The following NTNG1 variants were observed in gnomAD, a reference collection of about 807,000 sequenced individuals.
NTNG1 encodes the protein netrin G1.
A neutral mutation model predicts 54.0 loss-of-function variants in NTNG1; 16 were observed. The ratio of observed to expected loss-of-function variants is 0.30; its 90% CI spans 0.20 to 0.45. The LOEUF (loss-of-function observed/expected upper bound fraction) is 0.45. Ranked by LOEUF, NTNG1 falls within the 20% of genes least tolerant of loss-of-function variation. The pLI is 1.00. For missense variants in NTNG1, 530 were observed against 678.7 expected (o/e 0.78, Z 2.43); for synonymous variants, 255 against 263.1 (o/e 0.97, Z 0.30).
At chr1:107,214,321 T>A (rs924840051) in intron 2 of NTNG1, among the ~76,000 whole-genome samples, 1 of 152,132 alleles carries the variant, frequency 6.6e-6, no homozygotes, top group African/African-American at 2.4e-5. Flanking sequence ...TTCTTATACC[T>A]TTGTGTCCTC....
At chr1:107,193,377 C>G (rs928396615) in intron 2 of NTNG1, among the ~76,000 whole-genome samples, 1 of 152,042 alleles carries the variant, frequency 6.6e-6, no homozygotes, top group Non-Finnish European at 1.5e-5. Flanking sequence ...ACTTCCACAT[C>G]TCAGAATAAA....
intron 3 of NTNG1, among the ~76,000 whole-genome samples, chr1:107,363,278 G>A (rs942792190): frequency 1.3e-5 from 2 of 152,146 alleles, no homozygotes; most frequent in Non-Finnish European, 2.9e-5. Flanking sequence ...AAATAAAACA[G>A]TGTCTTGCTG....
chr1:107,412,658 G>A (rs1311404951), intron 5 of NTNG1, among the ~76,000 whole-genome samples: 7 of 152,070 alleles, frequency 4.6e-5, no homozygotes, highest in East Asian at 1.9e-4. Context: ...GTTCATTTTC[G>A]GATTCCTTAT....
intron 4 of NTNG1, among the ~76,000 whole-genome samples, chr1:107,399,191 A>T (rs747854501): frequency 6.6e-6 from 1 of 152,138 alleles, no homozygotes; most frequent in Non-Finnish European, 1.5e-5. Context: ...ATTTTACCCA[A>T]TGTTTCTCAA....
chr1:107,171,532 T>G (rs1656238765), intron 2 of NTNG1, among the ~76,000 whole-genome samples: 2 of 152,162 alleles, frequency 1.3e-5, no homozygotes, highest in Non-Finnish European at 2.9e-5. Context: ...CACTGGGTTC[T>G]TTTTCGGTCT....
At chr1:107,213,919 T>G (rs893304747) in intron 2 of NTNG1, among the ~76,000 whole-genome samples, 2 of 152,156 alleles carry the variant, frequency 1.3e-5, no homozygotes, top group Non-Finnish European at 2.9e-5. Context: ...ATTTTATTGC[T>G]TTTTGCATTT....
intron 2 of NTNG1, among the ~76,000 whole-genome samples, chr1:107,232,132 G>A (rs1207033239): frequency 1.3e-5 from 2 of 152,144 alleles, no homozygotes; most frequent in African/African-American, 4.8e-5. Context: ...GACACAATGT[G>A]TAACCTTCTT....
At chr1:107,290,595 C>G (rs143482878) in intron 2 of NTNG1, among the ~76,000 whole-genome samples, 2 of 151,982 alleles carry the variant, frequency 1.3e-5, no homozygotes, top group African/African-American at 4.8e-5. Flanking sequence ...TACTGGAATT[C>G]AGGCACAATC....
rs1007284884 is a variant in NTNG1 at position 107,480,698 on chromosome 1, C to T, written c.1478C>T (p.Thr493Met). 2 of 1,611,214 alleles carry T rather than the reference C, an allele frequency of 1.2e-6. No homozygotes were observed. Among genetic ancestry groups the T allele is most frequent in the East Asian group, 2.2e-5 (1 of 44,830 alleles). Reference sequence around the variant, plus strand: ...CGCTGCCTGTGCCCGGCCGCATACACGGGCATCCTCTGCGAGAAGCTGCGG... The same window carrying T: ...CGCTGCCTGTGCCCGGCCGCATACATGGGCATCCTCTGCGAGAAGCTGCGG... ...NVRCLCPAAY[T>M]GILCEKLRCE... Residue 493 changes from threonine to methionine, a missense_variant, in exon 8 of 8, where the codon ACG (threonine) becomes ATG (methionine). By Grantham distance (81) the Thr-to-Met change is moderately conservative. This residue lies in a region of NTNG1 where 212 missense variants were observed against 213.6 expected (regional missense o/e 0.99). Transcript: ENST00000370068.
Position 107,431,609 on chromosome 1 carries a change from C to T in NTNG1, c.1255+692C>T, listed in dbSNP as rs377072553. 3.0e-4 allele frequency among the ~76,000 whole-genome samples: 46 copies of T among 152,232 alleles called. No homozygotes were observed. In the South Asian group the frequency reaches 9.3e-3, roughly 31 times the overall value. On this transcript the variant is annotated intron_variant, in intron 6 of 7. Transcript: ENST00000370068. ...CCCCACCAATGACTACTGCTCTTGG[C>T]ACCTAGGGAGGACCAGGCACCTTTC...
At chr1:107,289,099 C>A (rs1665407091) in intron 2 of NTNG1, among the ~76,000 whole-genome samples, 1 of 152,144 alleles carries the variant, frequency 6.6e-6, no homozygotes, top group African/African-American at 2.4e-5. Context: ...GTGAGAAACA[C>A]AGACCATCAG....
At chr1:107,195,750 C>G (rs1658273053) in intron 2 of NTNG1, among the ~76,000 whole-genome samples, 1 of 151,926 alleles carries the variant, frequency 6.6e-6, no homozygotes, top group Non-Finnish European at 1.5e-5. Flanking sequence ...CTTGCTGATT[C>G]CTTTGCCTAG....
intron 2 of NTNG1, among the ~76,000 whole-genome samples, chr1:107,281,665 G>C (rs1664866881): frequency 6.6e-6 from 1 of 151,924 alleles, no homozygotes. Flanking sequence ...ATGTGTATGT[G>C]TGTGTATATA....
intron 7 of NTNG1, among the ~76,000 whole-genome samples, chr1:107,440,692 G>T (rs1046846543): frequency 1.3e-5 from 2 of 152,046 alleles, no homozygotes; most frequent in Admixed American, 6.6e-5. Flanking sequence ...TGACCTGGGG[G>T]CTTCTAAAAA....
intron 7 of NTNG1, among the ~76,000 whole-genome samples, chr1:107,464,559 C>T (rs921452978): frequency 3.3e-5 from 5 of 152,012 alleles, no homozygotes; most frequent in East Asian, 1.9e-4. Context: ...GAGGCTTGCA[C>T]GGAACAACAA....
At chr1:107,421,021 A>T (rs896994296) in intron 5 of NTNG1, 32 of 1,141,452 alleles carry the variant, frequency 2.8e-5, no homozygotes, top group Admixed American at 1.9e-4. Flanking sequence ...GTGATAAGTT[A>T]TTACAGTTTG....
chr1:107,344,272 A>G (rs144301027), intron 3 of NTNG1, among the ~76,000 whole-genome samples: 3 of 152,292 alleles, frequency 2.0e-5, no homozygotes, highest in African/African-American at 7.2e-5. Flanking sequence ...AGGAGGATTG[A>G]TATTTACCAA....
In NTNG1 at chr1:107,481,131, C is replaced by G. The variant is rs923729264; in HGVS notation, c.*291C>G. On this transcript the variant is annotated 3_prime_UTR_variant, in exon 8 of 8. Coordinates refer to ENST00000370068, the MANE Select transcript of NTNG1 (RefSeq NM_001113226.3). The stretch of plus-strand genomic sequence containing the variant: ...GGATTGGAAAGGCTGCGACAGCCCC[C>G]CAAACAGGAAAGACAAAAAACAAAC... 4.6e-6 allele frequency: 2 copies of G among 430,324 alleles called. No individual in the cohort carries two copies. Among genetic ancestry groups the G allele is most frequent in the South Asian group, 6.4e-5 (1 of 15,648 alleles). The allele number at this position is 430,324 out of a possible 1,614,324, so 26.7% of individuals were successfully genotyped here. A position where few individuals can be genotyped will look rare whatever the true frequency, so the allele number is the denominator to read the frequency against.
rs75325748 is a variant in NTNG1, at chr1:107,345,540, A to T, written c.887+20618A>T. Among the ~76,000 whole-genome samples, 1,197 of 152,218 alleles carry T rather than the reference A, an allele frequency of 7.9e-3. 25 individuals carry two copies. Among genetic ancestry groups the T allele is most frequent in the African/African-American group, 0.028 (1,149 of 41,546 alleles). ...TCCTTTGAAATGGCATTTTTCTGGG[A>T]TAGGAACTTCAGATGGCATTTCATA... On this transcript the variant is annotated intron_variant, in intron 3 of 7. Coordinates refer to ENST00000370068, the MANE Select transcript of NTNG1 (RefSeq NM_001113226.3).
Sources: allele counts gnomAD v4.1 joint callset (sites outside exome capture counted in the v4.1 genomes callset), GRCh38; gene constraint gnomAD v4.1.1; regional missense constraint gnomAD v4.1.1; transcripts MANE v1.5; gene names NCBI Gene and HGNC (gene_info 2026-07-23, HGNC 2026-07-21).